Variants in LGSN observed in about 807,000 individuals in gnomAD.
LGSN encodes lengsin.
A neutral mutation model predicts 19.5 loss-of-function variants in LGSN; 21 were observed. The observed-to-expected ratio is 1.07, with a 90% CI of 0.76 to 1.55. The LOEUF is 1.55. Ranked by LOEUF, LGSN falls within the 40% of genes most tolerant of loss-of-function variation. LGSN has a pLI of 0.00. For synonymous variants in LGSN, 257 were observed against 215.6 expected (o/e 1.19, Z -1.68); for missense variants, 673 against 608.5 (o/e 1.11, Z -1.12).
the LGSN span, among the ~76,000 whole-genome samples, chr6:63,561,905 T>C: frequency 6.6e-6 from 1 of 152,202 alleles, no homozygotes; most frequent in Non-Finnish European, 1.5e-5. Flanking sequence ...CTATCTCTGC[T>C]GCAGAGAGTA....
chr6:63,540,612 G>C, the LGSN span, among the ~76,000 whole-genome samples: 1 of 151,090 alleles, frequency 6.6e-6, no homozygotes, highest in Non-Finnish European at 1.5e-5. Flanking sequence ...GTGACAGATA[G>C]AGACCCTGTA....
the LGSN span, among the ~76,000 whole-genome samples, chr6:63,507,924 T>C: frequency 6.6e-6 from 1 of 152,148 alleles, no homozygotes; most frequent in Non-Finnish European, 1.5e-5. Flanking sequence ...TGTTGAGTTT[T>C]CCATCATGCC....
chr6:63,488,855 G>T, the LGSN span, among the ~76,000 whole-genome samples: 1 of 150,232 alleles, frequency 6.7e-6, no homozygotes, highest in East Asian at 1.9e-4. Flanking sequence ...AAAAAAAAAA[G>T]CAAGTGAATT....
the LGSN span, among the ~76,000 whole-genome samples, chr6:63,477,650 TTTTTC>T: frequency 1.2e-4 from 18 of 149,288 alleles, no homozygotes; most frequent in South Asian, 4.2e-4. Context: ...ATCCTTTTTT[TTTTTC>T]TTTTTCTTTT....
intron 2 of LGSN, chr6:63,293,739 G>A (rs948603833): frequency 1.5e-5 from 7 of 456,598 alleles, no homozygotes; most frequent in East Asian, 1.4e-4. Context: ...TATCACTGTT[G>A]TCTCATCCTG....
At chr6:63,421,086 A>G in the LGSN span, among the ~76,000 whole-genome samples, 1 of 152,212 alleles carries the variant, frequency 6.6e-6, no homozygotes, top group Non-Finnish European at 1.5e-5. Context: ...AATAAAGGGA[A>G]CAAAGGAAAG....
intron 1 of LGSN, among the ~76,000 whole-genome samples, chr6:63,300,572 G>C (rs1279708989): frequency 6.6e-6 from 1 of 151,986 alleles, no homozygotes; most frequent in Non-Finnish European, 1.5e-5. Context: ...AGGCTGAGGT[G>C]GGAGAATGAC....
chr6:63,425,747 G>A, the LGSN span, among the ~76,000 whole-genome samples: 1 of 151,922 alleles, frequency 6.6e-6, no homozygotes. Flanking sequence ...TGGGGCAGGA[G>A]GATTGCTTCA....
the LGSN span, among the ~76,000 whole-genome samples, chr6:63,458,058 A>ATTTTTC: frequency 6.6e-6 from 1 of 150,558 alleles, no homozygotes; most frequent in East Asian, 1.9e-4. Flanking sequence ...ATTTATTTTT[A>ATTTTTC]TTTTTATTTA....
chr6:63,422,570 G>A, the LGSN span, among the ~76,000 whole-genome samples: 1 of 151,998 alleles, frequency 6.6e-6, no homozygotes, highest in Non-Finnish European at 1.5e-5. Context: ...TTTACCTATA[G>A]GAGTAAACAA....
chr6:63,435,489 G>A, the LGSN span, among the ~76,000 whole-genome samples: 1 of 152,146 alleles, frequency 6.6e-6, no homozygotes, highest in African/African-American at 2.4e-5. Context: ...CTGAATGGTC[G>A]CATCTCTCAG....
chr6:63,294,863 G>A (rs867578806), intron 2 of LGSN, 50 bp downstream of exon 2: 1 of 1,576,196 alleles, frequency 6.3e-7, no homozygotes, highest in Non-Finnish European at 8.7e-7. Flanking sequence ...AGACCAAATG[G>A]AGATTGCCTC....
At chr6:63,319,695 T>A (rs976932420) in intron 1 of LGSN, among the ~76,000 whole-genome samples, 1 of 152,204 alleles carries the variant, frequency 6.6e-6, no homozygotes, top group African/African-American at 2.4e-5. Context: ...CCAAATGAGC[T>A]TTCCTAGATG....
At chr6:63,395,973 TGAG>T in the LGSN span, 1 of 153,986 alleles carries the variant, frequency 6.5e-6, no homozygotes, top group South Asian at 2.0e-4. Flanking sequence ...CAGGAGCTGT[TGAG>T]GACTGAAATG....
At chr6:63,340,868 C>G in the LGSN span, among the ~76,000 whole-genome samples, 11 of 146,630 alleles carry the variant, frequency 7.5e-5, no homozygotes, top group East Asian at 2.0e-3. Flanking sequence ...GTGTGTGTGT[C>G]TTTACATTGT....
chr6:63,363,709 C>A, the LGSN span, among the ~76,000 whole-genome samples: 1 of 151,930 alleles, frequency 6.6e-6, no homozygotes, highest in Non-Finnish European at 1.5e-5. Context: ...GTGAAAAGAC[C>A]AAATTTACAT....
chr6:63,543,225 T>C, the LGSN span, among the ~76,000 whole-genome samples: 1 of 152,162 alleles, frequency 6.6e-6, no homozygotes. Context: ...AAACTGAAAG[T>C]TCCTTATCCC....
the LGSN span, among the ~76,000 whole-genome samples, chr6:63,361,744 C>T: frequency 7.9e-5 from 12 of 152,120 alleles, no homozygotes; most frequent in Non-Finnish European, 5.9e-5. Flanking sequence ...ACTCCTTCGT[C>T]GCTCAGGCTG....
the LGSN span, among the ~76,000 whole-genome samples, chr6:63,409,126 C>T: frequency 4.4e-3 from 676 of 152,192 alleles, 5 homozygotes; most frequent in African/African-American, 0.015. Context: ...TAACCATGCT[C>T]ATCTCAGATT....
Sources: allele counts gnomAD v4.1 joint callset (sites outside exome capture counted in the v4.1 genomes callset), GRCh38; gene constraint gnomAD v4.1.1; transcripts MANE v1.5; gene names NCBI Gene and HGNC (gene_info 2026-07-23, HGNC 2026-07-21).